PLSCR2: variants seen among roughly 807,000 people sequenced by gnomAD.
PLSCR2 encodes the protein phospholipid scramblase 2.
A neutral mutation model predicts 25.3 loss-of-function variants in PLSCR2; 18 were observed. The ratio of observed to expected loss-of-function variants is 0.71; its 90% CI spans 0.49 to 1.06. PLSCR2 has a LOEUF of 1.06. Ranked by LOEUF, PLSCR2 falls within the 50% of genes least tolerant of loss-of-function variation. The probability of loss-of-function intolerance (pLI) is 0.00; values close to 1 mark genes in which losing one functional copy is unlikely to be tolerated. For synonymous variants in PLSCR2, 88 were observed against 87.3 expected (o/e 1.01, Z -0.04); for missense variants, 243 against 269.5 (o/e 0.90, Z 0.69).
At chr3:146,495,866 G>A (rs988201362) in intron 1 of PLSCR2, 5 of 1,519,136 alleles carry the variant, frequency 3.3e-6, no homozygotes, top group Non-Finnish European at 3.5e-6. Flanking sequence ...AAGCACGTTA[G>A]TCTCTGGAAA....
intron 2 of PLSCR2, among the ~76,000 whole-genome samples, chr3:146,407,727 A>G (rs1195980758): frequency 1.3e-5 from 2 of 151,972 alleles, no homozygotes; most frequent in African/African-American, 4.8e-5. Context: ...CTCATCGGAG[A>G]GCCTGAGTGA....
chr3:146,481,566 A>G (rs147713882), intron 1 of PLSCR2, among the ~76,000 whole-genome samples: 31 of 152,352 alleles, frequency 2.0e-4, no homozygotes, highest in African/African-American at 7.0e-4. Flanking sequence ...ACCACTGCTC[A>G]AGGAAATAAG....
At chr3:146,443,152 T>C (rs369117582) in intron 6 of PLSCR2, among the ~76,000 whole-genome samples, 1 of 152,054 alleles carries the variant, frequency 6.6e-6, no homozygotes, top group Non-Finnish European at 1.5e-5. Flanking sequence ...TTTTGATGTA[T>C]TGTTGATTTT....
At chr3:146,455,114 A>C in intron 4 of PLSCR2, 125 bp downstream of exon 4, 1 of 655,834 alleles carries the variant, frequency 1.5e-6, no homozygotes, top group Non-Finnish European at 2.6e-6. Context: ...ATTGATTTGG[A>C]AGCCCAAACA....
At chr3:146,438,914 G>A (rs569812686), downstream of PLSCR2, among the ~76,000 whole-genome samples, 41 of 152,208 alleles carry the variant, frequency 2.7e-4, no homozygotes, top group African/African-American at 5.3e-4. Flanking sequence ...GGCTGGTACC[G>A]GTTGTTCCTT....
At chr3:146,470,050 A>G (rs1231523809) in intron 1 of PLSCR2, among the ~76,000 whole-genome samples, 2 of 151,886 alleles carry the variant, frequency 1.3e-5, no homozygotes, top group African/African-American at 4.8e-5. Context: ...TTAGACTACA[A>G]AAGAGGAGCG....
At chr3:146,460,124 A>G (rs1338983851) in intron 1 of PLSCR2, 41 bp from the exon 2 acceptor site, 2 of 1,433,470 alleles carry the variant, frequency 1.4e-6, no homozygotes, top group African/African-American at 1.4e-5. Context: ...GCTGCCCAGA[A>G]AAGTCATCAA....
intron 2 of PLSCR2, among the ~76,000 whole-genome samples, chr3:146,414,016 G>A (rs993860650): frequency 6.7e-6 from 1 of 149,538 alleles, no homozygotes; most frequent in Middle Eastern, 3.5e-3. Flanking sequence ...GTGGAAGGTG[G>A]GGCTGGCACC....
At chr3:146,422,367 T>C (rs74844381) in intron 2 of PLSCR2, among the ~76,000 whole-genome samples, 2,393 of 152,242 alleles carry the variant, frequency 0.016, 46 homozygotes, top group African/African-American at 0.044. Context: ...GTGTTATTTT[T>C]GTCTTTTCTT....
At chr3:146,422,733 T>C (rs966655042) in intron 2 of PLSCR2, among the ~76,000 whole-genome samples, 3 of 152,128 alleles carry the variant, frequency 2.0e-5, no homozygotes, top group African/African-American at 7.2e-5. Flanking sequence ...TTATTCTCTT[T>C]GTTCATTTGT....
intron 2 of PLSCR2, among the ~76,000 whole-genome samples, chr3:146,413,798 A>G (rs2038925708): frequency 6.6e-6 from 1 of 152,140 alleles, no homozygotes; most frequent in African/African-American, 2.4e-5. Flanking sequence ...TTTTCCACTG[A>G]TGGCAATCTA....
Position 146,458,456 on chromosome 3 carries a change from A to G in PLSCR2, c.58-3T>C. 1 of 1,447,316 alleles carries G rather than the reference A, an allele frequency of 6.9e-7. No individual in the cohort carries two copies. The highest frequency in any genetic ancestry group is 1.3e-5 in the South Asian group (1 of 76,044). 89.7% of individuals were successfully genotyped at this position (1,447,316 alleles called of 1,614,324 possible). On this transcript the variant is annotated splice_polypyrimidine_tract_variant and splice_region_variant and intron_variant, in intron 2 of 6. Transcript: ENST00000610787. ...TGATGAATTAGTATCATATCTATCTATTATAGTAAAAAGAAAATGAAGTTG... is the reference window on the plus strand; with the variant it reads ...TGATGAATTAGTATCATATCTATCTGTTATAGTAAAAAGAAAATGAAGTTG...
At chr3:146,393,030 T>TTC (rs1406006058) in intron 3 of PLSCR2, among the ~76,000 whole-genome samples, 4 of 137,616 alleles carry the variant, frequency 2.9e-5, no homozygotes, top group Non-Finnish European at 4.6e-5. Context: ...TACATTCCTT[T>TTC]TTTTTTTTTT....
intron 1 of PLSCR2, among the ~76,000 whole-genome samples, chr3:146,468,399 C>A (rs1244128781): frequency 1.3e-5 from 2 of 152,168 alleles, no homozygotes; most frequent in Non-Finnish European, 2.9e-5. Flanking sequence ...GTGTCATAAG[C>A]GGGAAGAAAC....
chr3:146,472,603 T>A (rs560208103), intron 1 of PLSCR2, among the ~76,000 whole-genome samples: 5 of 151,514 alleles, frequency 3.3e-5, no homozygotes, highest in African/African-American at 1.2e-4. Flanking sequence ...TAAGATTGTA[T>A]TTTTCTTTCT....
In PLSCR2 at chr3:146,483,457, A is replaced by ATATATATATATATATATACATGTG; in HGVS notation, c.-293+12437_-293+12438insCACATGTATATATATATATATATA. ...TATATATATATACACATGTATGTATATATATATATATATATACATGTGTAT... is the reference window on the plus strand; with the variant it reads ...TATATATATATACACATGTATGTATATATATATATATATATATACATGTGTATATATATATATATACATGTGTAT... On this transcript the variant is annotated intron_variant, in intron 1 of 8. Transcript: ENST00000336685. Among the ~76,000 whole-genome samples the ATATATATATATATATATACATGTG allele has an allele frequency of 3.5e-5, 2 of 57,970 alleles. 1 individual carries two copies. The highest frequency in any genetic ancestry group is 1.3e-3 in the South Asian group (2 of 1,576). The allele number at this position is 57,970 out of a possible 152,430, so 38.0% of individuals were successfully genotyped here. A position where few individuals can be genotyped will look rare whatever the true frequency, so the allele number is the denominator to read the frequency against.
At chr3:146,434,926 C>A (rs1432288788) in intron 8 of PLSCR2, among the ~76,000 whole-genome samples, 1 of 126,144 alleles carries the variant, frequency 7.9e-6, no homozygotes, top group African/African-American at 2.9e-5. Context: ...CCCCCCTCCC[C>A]CCACCCCATG....
At chr3:146,471,629 C>G (rs942519183) in intron 1 of PLSCR2, among the ~76,000 whole-genome samples, 1 of 150,488 alleles carries the variant, frequency 6.6e-6, no homozygotes, top group Non-Finnish European at 1.5e-5. Context: ...TGCAGTGGCA[C>G]GATCTCAGCT....
chr3:146,423,870 T>C (rs937531827), intron 2 of PLSCR2, among the ~76,000 whole-genome samples: 1 of 152,100 alleles, frequency 6.6e-6, no homozygotes, highest in African/African-American at 2.4e-5. Context: ...TCCCTAGTGC[T>C]TCCAGAAATA....
Sources: allele counts gnomAD v4.1 joint callset (sites outside exome capture counted in the v4.1 genomes callset), GRCh38; gene constraint gnomAD v4.1.1; transcripts MANE v1.5; gene names NCBI Gene and HGNC (gene_info 2026-07-23, HGNC 2026-07-21).